Variants in ATRNL1 observed in about 807,000 individuals in gnomAD.
ATRNL1 encodes the protein attractin-like protein 1.
Under a neutral mutation model 182.7 loss-of-function variants are expected in ATRNL1, and 95 were observed. The ratio of observed to expected loss-of-function variants is 0.52; its 90% CI spans 0.44 to 0.62. The LOEUF is 0.62. Ranked by LOEUF, ATRNL1 falls within the 20% of genes least tolerant of loss-of-function variation. The probability of loss-of-function intolerance (pLI) is 0.00; values close to 1 mark genes in which losing one functional copy is unlikely to be tolerated. For missense variants in ATRNL1, 1,471 were observed against 1,679.5 expected, an observed-to-expected ratio of 0.88 and a Z score of 2.17; for synonymous variants, 576 against 568.3, an observed-to-expected ratio of 1.01 and a Z score of -0.19.
chr10:115,374,850 C>T (rs1030972755), intron 19 of ATRNL1, among the ~76,000 whole-genome samples: 4 of 151,898 alleles, frequency 2.6e-5, no homozygotes, highest in Admixed American at 6.6e-5. Context: ...GATATGATTT[C>T]AGTCTTCTTG....
At chr10:115,723,674 G>A (rs918876824) in intron 26 of ATRNL1, among the ~76,000 whole-genome samples, 2 of 151,948 alleles carry the variant, frequency 1.3e-5, no homozygotes, top group African/African-American at 4.8e-5. Flanking sequence ...TCAGCCTCCT[G>A]AGTAGCTGGG....
At position 115,383,281 on chromosome 10, in the gene ATRNL1, G is replaced by A. The variant is rs1234923215; in HGVS notation, c.3176-11378G>A. Among the ~76,000 whole-genome samples, 3 of 148,184 alleles carry A rather than the reference G, an allele frequency of 2.0e-5. No individual in the cohort carries two copies. The East Asian group carries it at 5.9e-4, about 29-fold the overall frequency. ...AAATTTGCTTTGCTAATATTTTGTT[G>A]AAGATTTCTGTAAAGTTGGTAGTGA... On this transcript the variant is annotated intron_variant, in intron 19 of 28. Transcript: ENST00000355044.
intron 18 of ATRNL1, among the ~76,000 whole-genome samples, chr10:115,326,798 A>C (rs1343174839): frequency 3.9e-5 from 6 of 152,208 alleles, no homozygotes; most frequent in Non-Finnish European, 5.9e-5. Flanking sequence ...CAACTATCTG[A>C]TCTTTGACAA....
intron 15 of ATRNL1, among the ~76,000 whole-genome samples, chr10:115,293,466 CTTA>C (rs1853020944): frequency 6.6e-6 from 1 of 151,908 alleles, no homozygotes; most frequent in Non-Finnish European, 1.5e-5. Context: ...TTCTTCCTCT[CTTA>C]TTATTTATTT....
intron 8 of ATRNL1, among the ~76,000 whole-genome samples, chr10:115,172,706 C>T (rs1359035043): frequency 6.6e-6 from 1 of 151,926 alleles, no homozygotes; most frequent in African/African-American, 2.4e-5. Flanking sequence ...TCTGTTGAGA[C>T]TATCAGTTTT....
chr10:115,779,436 G>A (rs995907323), intron 27 of ATRNL1, among the ~76,000 whole-genome samples: 19 of 152,112 alleles, frequency 1.2e-4, no homozygotes, highest in African/African-American at 3.9e-4. Context: ...ATTTATAATT[G>A]AGCATCTACA....
intron 27 of ATRNL1, among the ~76,000 whole-genome samples, chr10:115,783,379 AT>A (rs1389459745): frequency 1.3e-5 from 2 of 152,202 alleles, no homozygotes; most frequent in Non-Finnish European, 2.9e-5. Flanking sequence ...AAGAGTTCAG[AT>A]TTGGAGATGG....
intron 24 of ATRNL1, among the ~76,000 whole-genome samples, chr10:115,497,666 C>T (rs928440849): frequency 6.8e-6 from 1 of 148,112 alleles, no homozygotes; most frequent in Non-Finnish European, 1.5e-5. Flanking sequence ...TCTTTTTTTT[C>T]TTTTTTTTTT....
chr10:115,912,616 A>T (rs1210785067), intron 28 of ATRNL1, among the ~76,000 whole-genome samples: 1 of 152,176 alleles, frequency 6.6e-6, no homozygotes, highest in East Asian at 1.9e-4. Flanking sequence ...ATTTGGTCAA[A>T]TACTCAAAAC....
At chr10:115,507,486 C>T (rs1477200822) in intron 24 of ATRNL1, among the ~76,000 whole-genome samples, 1 of 151,998 alleles carries the variant, frequency 6.6e-6, no homozygotes, top group Admixed American at 6.6e-5. Flanking sequence ...AATGATAGTA[C>T]ACACTGTGAC....
intron 27 of ATRNL1, among the ~76,000 whole-genome samples, chr10:115,790,168 T>C (rs1167487851): frequency 2.0e-5 from 3 of 152,062 alleles, no homozygotes; most frequent in Non-Finnish European, 4.4e-5. Context: ...TGGTCTGTCA[T>C]TGTCTCTCCA....
intron 21 of ATRNL1, among the ~76,000 whole-genome samples, chr10:115,448,621 A>G (rs1030751232): frequency 3.9e-5 from 6 of 152,154 alleles, no homozygotes; most frequent in Non-Finnish European, 7.4e-5. Flanking sequence ...TAATTAGAGA[A>G]GCAAGAACAA....
At chr10:115,785,580 G>T (rs1949376895) in intron 27 of ATRNL1, among the ~76,000 whole-genome samples, 1 of 152,192 alleles carries the variant, frequency 6.6e-6, no homozygotes, top group African/African-American at 2.4e-5. Context: ...GTCTATTGCT[G>T]GCTTCTGCTG....
At position 115,945,195 on chromosome 10, in the gene ATRNL1, T is replaced by G. The variant is rs1953849301; in HGVS notation, c.*416T>G. 2.0e-5 allele frequency: 3 copies of G among 153,506 alleles called. No individual in the cohort carries two copies. Among genetic ancestry groups the G allele is most frequent in the African/African-American group, 7.2e-5 (3 of 41,486 alleles). The allele number at this position is 153,506 out of a possible 1,614,324, so 9.5% of individuals were successfully genotyped here. A position where few individuals can be genotyped will look rare whatever the true frequency, so the allele number is the denominator to read the frequency against. On this transcript the variant is annotated 3_prime_UTR_variant, in exon 29 of 29. Transcript: ENST00000355044. ...TAAGCAAACTTGAATCACCTGTGTATGAACAGGGAATGAACACATTGCAAT... is the reference window on the plus strand; with the variant it reads ...TAAGCAAACTTGAATCACCTGTGTAGGAACAGGGAATGAACACATTGCAAT...
chr10:115,751,499 C>T (rs1450766960), intron 27 of ATRNL1, among the ~76,000 whole-genome samples: 9 of 152,008 alleles, frequency 5.9e-5, no homozygotes, highest in African/African-American at 2.2e-4. Flanking sequence ...ACTGTACAGC[C>T]TCTGTGGAGG....
chr10:115,271,436 C>A (rs974076140), intron 13 of ATRNL1, among the ~76,000 whole-genome samples: 1 of 151,730 alleles, frequency 6.6e-6, no homozygotes, highest in African/African-American at 2.4e-5. Flanking sequence ...CTCCCCTCTA[C>A]CCCCACCCCA....
At chr10:115,637,418 A>G (rs2133847146) in intron 26 of ATRNL1, among the ~76,000 whole-genome samples, 1 of 152,176 alleles carries the variant, frequency 6.6e-6, no homozygotes, top group South Asian at 2.1e-4. Context: ...AAAAAGTAAA[A>G]CCAAAGTTAA....
chr10:115,375,631 A>G (rs1373005983), intron 19 of ATRNL1, among the ~76,000 whole-genome samples: 1 of 151,844 alleles, frequency 6.6e-6, no homozygotes, highest in Non-Finnish European at 1.5e-5. Flanking sequence ...TTGTGCATGT[A>G]CTAGAGGTTT....
chr10:115,203,766 T>G (rs1301156062), intron 8 of ATRNL1, among the ~76,000 whole-genome samples: 13 of 137,098 alleles, frequency 9.5e-5, no homozygotes, highest in African/African-American at 2.6e-4. Flanking sequence ...TTTTTTTTTT[T>G]TTGTATTTTT....
Sources: allele counts gnomAD v4.1 joint callset (sites outside exome capture counted in the v4.1 genomes callset), GRCh38; gene constraint gnomAD v4.1.1; transcripts MANE v1.5; gene names NCBI Gene and HGNC (gene_info 2026-07-23, HGNC 2026-07-21).